The following NVL variants were observed in gnomAD, a reference collection of about 807,000 sequenced individuals.
The protein encoded by NVL is nuclear VCP like, also known as nuclear valosin-containing protein-like.
A neutral mutation model predicts 110.2 loss-of-function variants in NVL; 84 were observed. That is an observed-to-expected ratio of 0.76 (90% CI 0.64 to 0.91). NVL has a LOEUF of 0.91. Ranked by LOEUF, NVL falls within the 40% of genes least tolerant of loss-of-function variation. NVL has a pLI of 0.00. For missense variants in NVL, 882 were observed against 1,035.9 expected (o/e 0.85, Z 2.04); for synonymous variants, 354 against 361.1 (o/e 0.98, Z 0.22).
chr1:224,242,182 A>G (rs752945106), intron 19 of NVL, among the ~76,000 whole-genome samples: 8 of 152,162 alleles, frequency 5.3e-5, no homozygotes, highest in Non-Finnish European at 1.2e-4. Context: ...ATGGGGACAG[A>G]GTTTCAGTTT....
chr1:224,326,003 G>A (rs1252158539), intron 2 of NVL, among the ~76,000 whole-genome samples: 1 of 151,768 alleles, frequency 6.6e-6, no homozygotes, highest in African/African-American at 2.4e-5. Context: ...TGCCCAGGCT[G>A]GTCTCAAACT....
rs1289840299 is a variant in NVL at position 224,270,077 on chromosome 1, C to G, written c.2083-1944G>C. Among the ~76,000 whole-genome samples the G allele has an allele frequency of 3.3e-5, 5 of 149,936 alleles. No individual in the cohort carries two copies. In the East Asian group the frequency reaches 9.6e-4, roughly 29 times the overall value. On this transcript the variant is annotated intron_variant, in intron 17 of 22. Transcript: ENST00000281701. ...GAACTACCGCGCCCAGCTTACCCCA[C>G]TGATTTCTCTAGAAAAAAAAAAATT... is the stretch of plus-strand genomic sequence containing the variant.
chr1:224,292,597 CCTCGTCATCACCTGGAT>C (rs1307797961), intron 12 of NVL, among the ~76,000 whole-genome samples: 1 of 152,138 alleles, frequency 6.6e-6, no homozygotes, highest in East Asian at 1.9e-4. Flanking sequence ...ATACCCTGGA[CCTCGTCATCACCTGGAT>C]CTAGCCCCTA....
intron 19 of NVL, among the ~76,000 whole-genome samples, chr1:224,244,097 G>A (rs1054604630): frequency 7.9e-5 from 12 of 151,926 alleles, no homozygotes; most frequent in African/African-American, 2.7e-4. Context: ...GCCGGGCGTG[G>A]TGGCTCATGC....
At chr1:224,327,476 A>G (rs1466446257) in intron 1 of NVL, among the ~76,000 whole-genome samples, 1 of 152,026 alleles carries the variant, frequency 6.6e-6, no homozygotes, top group Non-Finnish European at 1.5e-5. Context: ...TTAAATATAT[A>G]GCTAAGTGAA....
chr1:224,276,198 A>G (rs1477495652), intron 16 of NVL, among the ~76,000 whole-genome samples: 5 of 152,202 alleles, frequency 3.3e-5, no homozygotes, highest in African/African-American at 1.2e-4. Context: ...AAACTGCCAA[A>G]TAAGATGGAA....
At chr1:224,301,798 CAAAAAAAA>C (rs61084002) in intron 9 of NVL, 380 of 75,920 alleles carry the variant, frequency 5.0e-3, no homozygotes, top group East Asian at 0.013. Flanking sequence ...AAATCTGTTT[CAAAAAAAA>C]AAAAAAAAAA....
intron 19 of NVL, among the ~76,000 whole-genome samples, chr1:224,237,277 C>G (rs889353089): frequency 6.6e-6 from 1 of 152,132 alleles, no homozygotes; most frequent in Admixed American, 6.5e-5. Flanking sequence ...AATACTGAAC[C>G]TGGCCAGGAG....
intron 5 of NVL, among the ~76,000 whole-genome samples, chr1:224,310,631 T>C (rs1374696950): frequency 6.6e-6 from 1 of 152,214 alleles, no homozygotes; most frequent in Non-Finnish European, 1.5e-5. Flanking sequence ...GTTCAATTAT[T>C]TATTGATGAA....
At chr1:224,303,665 C>CA in intron 9 of NVL, 58 bp downstream of exon 9, 1 of 1,568,796 alleles carries the variant, frequency 6.4e-7, no homozygotes, top group Non-Finnish European at 8.7e-7. Flanking sequence ...AGAGAAAAAA[C>CA]AAAAACAAAT....
At chr1:224,237,044 G>A (rs1018052105) in intron 19 of NVL, among the ~76,000 whole-genome samples, 2 of 152,206 alleles carry the variant, frequency 1.3e-5, no homozygotes, top group African/African-American at 4.8e-5. Flanking sequence ...AGGCTAAGAA[G>A]CAGATTCCAA....
In NVL at chr1:224,243,663, C is replaced by CT. The variant is rs34312268; in HGVS notation, c.2289+6548dup. ...TTATATCAGGTATTCTTAAGTCATA[C>CT]TTTTTTTTTTTTTTTTGAGATGAGG... On this transcript the variant is annotated intron_variant, in intron 19 of 22. Transcript: ENST00000281701. 8.2e-3 allele frequency among the ~76,000 whole-genome samples: 1,115 copies of CT among 136,688 alleles called. 47 individuals carry two copies. Among genetic ancestry groups the CT allele is most frequent in the African/African-American group, 0.02 (752 of 36,758 alleles). 89.7% of individuals were successfully genotyped at this position (136,688 alleles called of 152,430 possible).
chr1:224,327,989 C>A (rs1671302077), intron 1 of NVL, among the ~76,000 whole-genome samples: 1 of 151,956 alleles, frequency 6.6e-6, no homozygotes, highest in South Asian at 2.1e-4. Flanking sequence ...ATATGCAGGG[C>A]TTTTCAGACT....
rs544407515 is a variant in NVL at position 224,307,472 on chromosome 1, C to G, written c.615+519G>C. Among the ~76,000 whole-genome samples the G allele has an allele frequency of 2.0e-5, 3 of 152,150 alleles. No individual in the cohort carries two copies. The East Asian group carries it at 5.8e-4, about 29-fold the overall frequency. ...ATCCCAGAACTTTGGGAGTCCGAGG[C>G]GGGTGGATTGCTTGACCCCAAGAGT... is the stretch of plus-strand genomic sequence containing the variant. On this transcript the variant is annotated intron_variant, in intron 6 of 22. Transcript: ENST00000281701.
intron 2 of NVL, among the ~76,000 whole-genome samples, chr1:224,319,883 T>G (rs1474301735): frequency 2.0e-5 from 3 of 152,206 alleles, no homozygotes; most frequent in Admixed American, 2.0e-4. Flanking sequence ...CTGTGCCTTT[T>G]GAAGTCAAAT....
Position 224,252,454 on chromosome 1 carries a change from A to G in NVL, c.2183-2136T>C, listed in dbSNP as rs1571835832. 4.6e-5 allele frequency among the ~76,000 whole-genome samples: 7 copies of G among 152,318 alleles called. 1 individual carries two copies. The South Asian group carries it at 1.5e-3, about 32-fold the overall frequency. On this transcript the variant is annotated intron_variant, in intron 18 of 22. Transcript: ENST00000281701. ...CTCACAATGTTCAGACACAGGCTAT[A>G]ATTAATGAGATTCACGTTTCTAATA...
intron 18 of NVL, among the ~76,000 whole-genome samples, chr1:224,259,631 AAATAAT>A (rs901953134): frequency 1.5e-4 from 23 of 151,936 alleles, no homozygotes; most frequent in East Asian, 3.9e-4. Context: ...TTCATTAAAC[AAATAAT>A]AATAATAAGA....
chr1:224,284,271 T>C (rs574306939), intron 15 of NVL, among the ~76,000 whole-genome samples: 2 of 152,024 alleles, frequency 1.3e-5, no homozygotes, highest in South Asian at 4.1e-4. Context: ...TATGAAGTGA[T>C]ATAAATAAGA....
intron 12 of NVL, among the ~76,000 whole-genome samples, chr1:224,293,944 T>C (rs2102652006): frequency 6.6e-6 from 1 of 152,232 alleles, no homozygotes. Flanking sequence ...GCCTCCTGAG[T>C]AACTAGGACT....
Sources: allele counts gnomAD v4.1 joint callset (sites outside exome capture counted in the v4.1 genomes callset), GRCh38; gene constraint gnomAD v4.1.1; transcripts MANE v1.5; gene names NCBI Gene and HGNC (gene_info 2026-07-23, HGNC 2026-07-21).